Variants in DCUN1D5 observed in about 807,000 individuals in gnomAD.
The protein encoded by DCUN1D5 is defective in cullin neddylation 1 domain containing 5.
A neutral mutation model predicts 38.3 loss-of-function variants in DCUN1D5; 10 were observed. The observed-to-expected ratio is 0.26, with a 90% CI of 0.16 to 0.44. The LOEUF (loss-of-function observed/expected upper bound fraction) is 0.44. Among genes scored for constraint, DCUN1D5 ranks in the 20% least tolerant of loss-of-function variants. The probability of loss-of-function intolerance (pLI) is 1.00; values close to 1 mark genes in which losing one functional copy is unlikely to be tolerated. For missense variants in DCUN1D5, 148 were observed against 275.3 expected (o/e 0.54, Z 3.27); for synonymous variants, 93 against 90.9 (o/e 1.02, Z -0.13).
rs1341592955 is a variant in DCUN1D5 at position 103,055,679 on chromosome 11, A to G, written c.*6680T>C. ...ATCACAAAAGTTGGCCTTGAATTTC[A>G]TCGATCATATGTCTTCAATTAAGTT... On this transcript the variant is annotated 3_prime_UTR_variant, in exon 8 of 8. Coordinates refer to ENST00000260247, the MANE Select transcript of DCUN1D5 (RefSeq NM_032299.4). The G allele has an allele frequency of 1.3e-5, 2 of 152,164 alleles. No homozygotes were observed. Among genetic ancestry groups the G allele is most frequent in the African/African-American group, 4.8e-5 (2 of 41,434 alleles). The allele number at this position is 152,164 out of a possible 1,614,324, so 9.4% of individuals were successfully genotyped here.
At chr11:103,067,661 G>A (rs900297563) in intron 4 of DCUN1D5, among the ~76,000 whole-genome samples, 1 of 152,132 alleles carries the variant, frequency 6.6e-6, no homozygotes, top group Non-Finnish European at 1.5e-5. Flanking sequence ...CCTATAATGT[G>A]TAGTAACATA....
chr11:103,063,472 G>C lies in DCUN1D5; in HGVS notation c.658+803C>G, dbSNP rs1342862336. 6.6e-6 allele frequency among the ~76,000 whole-genome samples: 1 copy of C among 152,096 alleles called. No homozygotes were observed. Among genetic ancestry groups the C allele is most frequent in the Non-Finnish European group, 1.5e-5 (1 of 67,970 alleles). On this transcript the variant is annotated intron_variant, in intron 7 of 7. Transcript: ENST00000260247. The surrounding 1 kb of genome is among the most constrained non-coding windows in gnomAD (Gnocchi z 4.6). ...TAAATTTTATACCATCTTGTAGAGAGAGGACAAAATATATGTGGGAAGAAA... is the reference window on the plus strand; with the variant it reads ...TAAATTTTATACCATCTTGTAGAGACAGGACAAAATATATGTGGGAAGAAA...
chr11:103,057,068 ACTCT>A lies in DCUN1D5; in HGVS notation c.*5287_*5290del, dbSNP rs747287956. ...GGTTTCTCAGATAATACTTCTATAA[ACTCT>A]CTCTCAATAGGCATAGTTTCAGGGA... On this transcript the variant is annotated 3_prime_UTR_variant, in exon 8 of 8. Coordinates refer to ENST00000260247, the MANE Select transcript of DCUN1D5 (RefSeq NM_032299.4). This position sits in a 1 kb window ranked among gnomAD's most constrained non-coding sequence, Gnocchi z 4.8. 6.6e-6 allele frequency among the ~76,000 whole-genome samples: 1 copy of A among 151,848 alleles called. No homozygotes were observed. Among genetic ancestry groups the A allele is most frequent in the Admixed American group, 6.6e-5 (1 of 15,258 alleles).
chr11:103,090,086 T>C (rs562011930), intron 1 of DCUN1D5, among the ~76,000 whole-genome samples: 5 of 152,126 alleles, frequency 3.3e-5, no homozygotes, highest in African/African-American at 7.2e-5. Context: ...ATAGAAATGA[T>C]AGAACTTCTG....
rs981937757 is a variant in DCUN1D5 at position 103,051,552 on chromosome 11, G to A, written c.*10807C>T. ...TTAACAGGTTTACTGGCAGATGCAG[G>A]AGGTGACATTCCAGTGGCTCCATTA... On this transcript the variant is annotated 3_prime_UTR_variant, in exon 8 of 8. Coordinates refer to ENST00000260247, the MANE Select transcript of DCUN1D5 (RefSeq NM_032299.4). 1.4e-5 allele frequency: 2 copies of A among 147,676 alleles called. No homozygotes were observed. Among genetic ancestry groups the A allele is most frequent in the African/African-American group, 5.1e-5 (2 of 39,374 alleles). 9.1% of individuals were successfully genotyped at this position (147,676 alleles called of 1,614,324 possible). A position where few individuals can be genotyped will look rare whatever the true frequency, so the allele number is the denominator to read the frequency against.
chr11:103,075,939 C>T (rs1862397274), intron 4 of DCUN1D5, among the ~76,000 whole-genome samples: 1 of 152,172 alleles, frequency 6.6e-6, no homozygotes. Flanking sequence ...AAAAATAATG[C>T]TTTAATGAAA....
rs1861964057 is a variant in DCUN1D5 at position 103,059,699 on chromosome 11, C to T, written c.*2660G>A. Among the ~76,000 whole-genome samples the T allele has an allele frequency of 7.6e-6, 1 of 132,330 alleles. No individual in the cohort carries two copies. Among genetic ancestry groups the T allele is most frequent in the African/African-American group, 2.9e-5 (1 of 34,424 alleles). 86.8% of individuals were successfully genotyped at this position (132,330 alleles called of 152,430 possible). On this transcript the variant is annotated 3_prime_UTR_variant, in exon 8 of 8. Coordinates refer to ENST00000260247, the MANE Select transcript of DCUN1D5 (RefSeq NM_032299.4). ...CTGTCACCTGAATCCCTGGCAATTT[C>T]CTAGAGGTATTAACATCATACCTTA...
chr11:103,091,772 G>C lies in DCUN1D5; in HGVS notation c.86+15C>G, dbSNP rs376700944. The C allele has an allele frequency of 1.9e-6, 3 of 1,613,646 alleles. No homozygotes were observed. The highest frequency in any genetic ancestry group is 1.3e-5 in the African/African-American group (1 of 75,054). On this transcript the variant is annotated intron_variant, in intron 1 of 7. Transcript: ENST00000260247. This position sits in a 1 kb window ranked among gnomAD's most constrained non-coding sequence, Gnocchi z 4.3. ...GAGGGAGGAGGGAAGCTTGAAGGGT[G>C]GGGGGAGATGGTACCTGGAGATTTT...
chr11:103,060,167 T>C lies in DCUN1D5; in HGVS notation c.*2192A>G, dbSNP rs1405744503. The stretch of plus-strand genomic sequence containing the variant: ...TCAAAGTAGGCAAATGTTATAACTT[T>C]AAGAAGGTAAGAGAAATAGATGGAG... On this transcript the variant is annotated 3_prime_UTR_variant, in exon 8 of 8. Coordinates refer to ENST00000260247, the MANE Select transcript of DCUN1D5 (RefSeq NM_032299.4). Among the ~76,000 whole-genome samples, 1 of 152,086 alleles carries C rather than the reference T, an allele frequency of 6.6e-6. No homozygotes were observed. The highest frequency in any genetic ancestry group is 1.5e-5 in the Non-Finnish European group (1 of 68,012).
At position 103,057,535 on chromosome 11, in the gene DCUN1D5, T is replaced by C. The variant is rs1861902892; in HGVS notation, c.*4824A>G. On this transcript the variant is annotated 3_prime_UTR_variant, in exon 8 of 8. Coordinates refer to ENST00000260247, the MANE Select transcript of DCUN1D5 (RefSeq NM_032299.4). This position sits in a 1 kb window ranked among gnomAD's most constrained non-coding sequence, Gnocchi z 4.8. The stretch of plus-strand genomic sequence containing the variant: ...GCCTGGCCAACATGGTGAAATCCCA[T>C]CTTTACTAAAACAAACAAAAAAAAA... Among the ~76,000 whole-genome samples, 1 of 151,190 alleles carries C rather than the reference T, an allele frequency of 6.6e-6. No individual in the cohort carries two copies. The highest frequency in any genetic ancestry group is 2.1e-4 in the South Asian group (1 of 4,772).
chr11:103,051,509 C>CCCCCCT lies in DCUN1D5; in HGVS notation c.*10849_*10850insAGGGGG, dbSNP rs1861734724. ...GGCTTCACATATTTACTTCCCCCCC[C>CCCCCCT]CCCCCGCCACCCCTGTGTTAACAGG... On this transcript the variant is annotated 3_prime_UTR_variant, in exon 8 of 8. Coordinates refer to ENST00000260247, the MANE Select transcript of DCUN1D5 (RefSeq NM_032299.4). 7.1e-6 allele frequency: 1 copy of CCCCCCT among 140,260 alleles called. No homozygotes were observed. Among genetic ancestry groups the CCCCCCT allele is most frequent in the Admixed American group, 7.1e-5 (1 of 14,174 alleles). The allele number at this position is 140,260 out of a possible 1,614,324, so 8.7% of individuals were successfully genotyped here.
At position 103,057,989 on chromosome 11, in the gene DCUN1D5, C is replaced by T. The variant is rs1861916546; in HGVS notation, c.*4370G>A. Among the ~76,000 whole-genome samples the T allele has an allele frequency of 6.6e-6, 1 of 152,118 alleles. No homozygotes were observed. Among genetic ancestry groups the T allele is most frequent in the Non-Finnish European group, 1.5e-5 (1 of 68,002 alleles). On this transcript the variant is annotated 3_prime_UTR_variant, in exon 8 of 8. Transcript: ENST00000260247. This position sits in a 1 kb window ranked among gnomAD's most constrained non-coding sequence, Gnocchi z 4.8. ...GATATAATTTGGGGGAAAGCTAAGA[C>T]ATTTTTAATAAAACGTTTGCTATTA...
chr11:103,059,749 TG>T lies in DCUN1D5; in HGVS notation c.*2609del, dbSNP rs1212002200. ...ATTAAGAATTATTGGCCCCGAGGAG[TG>T]GGGGGGTGGGGGGGTTGCAATCTGT... On this transcript the variant is annotated 3_prime_UTR_variant, in exon 8 of 8. Transcript: ENST00000260247. 1.2e-3 allele frequency among the ~76,000 whole-genome samples: 5 copies of T among 4,104 alleles called. No homozygotes were observed. The highest frequency in any genetic ancestry group is 1.9e-3 in the Non-Finnish European group (4 of 2,122). The allele number at this position is 4,104 out of a possible 152,430, so 2.7% of individuals were successfully genotyped here.
chr11:103,054,500 G>A lies in DCUN1D5; in HGVS notation c.*7859C>T, dbSNP rs1200658968. ...TGAGTCAGGATTTCTATTATTGAAGGGAAAAAGACATTTAAATAGATACAG... is the reference window on the plus strand; with the variant it reads ...TGAGTCAGGATTTCTATTATTGAAGAGAAAAAGACATTTAAATAGATACAG... On this transcript the variant is annotated 3_prime_UTR_variant, in exon 8 of 8. Transcript: ENST00000260247. 6.6e-6 allele frequency: 1 copy of A among 151,972 alleles called. No homozygotes were observed. The highest frequency in any genetic ancestry group is 1.5e-5 in the Non-Finnish European group (1 of 67,970). 9.4% of individuals were successfully genotyped at this position (151,972 alleles called of 1,614,324 possible). A position where few individuals can be genotyped will look rare whatever the true frequency, so the allele number is the denominator to read the frequency against.
chr11:103,091,967 C>A lies in DCUN1D5; in HGVS notation c.-95G>T. 8.3e-7 allele frequency: 1 copy of A among 1,209,834 alleles called. No individual in the cohort carries two copies. The highest frequency in any genetic ancestry group is 1.1e-6 in the Non-Finnish European group (1 of 876,100). 74.9% of individuals were successfully genotyped at this position (1,209,834 alleles called of 1,614,324 possible). ...AGCGCTGGCACCCAGTTCCCAGAGA[C>A]AGCAGCAAGCGGAGGAGCAGAGTCG... On this transcript the variant is annotated 5_prime_UTR_variant, in exon 1 of 8. Transcript: ENST00000260247. This position sits in a 1 kb window ranked among gnomAD's most constrained non-coding sequence, Gnocchi z 4.3.
rs1244366665 is a variant in DCUN1D5 at position 103,060,247 on chromosome 11, G to GGGTA, written c.*2108_*2111dup. On this transcript the variant is annotated 3_prime_UTR_variant, in exon 8 of 8. Transcript: ENST00000260247. ...GGTACTGGACTCCAAAGTATGGCTA[G>GGGTA]GGTAGGATAGGACAGTTGACTTTAA... Among the ~76,000 whole-genome samples, 1 of 152,066 alleles carries GGGTA rather than the reference G, an allele frequency of 6.6e-6. No individual in the cohort carries two copies. The highest frequency in any genetic ancestry group is 2.4e-5 in the African/African-American group (1 of 41,408).
Position 103,051,063 on chromosome 11 carries a change from A to G in DCUN1D5, c.*11296T>C, listed in dbSNP as rs1282894579. The G allele has an allele frequency of 6.6e-6, 1 of 152,256 alleles. No homozygotes were observed. 9.4% of individuals were successfully genotyped at this position (152,256 alleles called of 1,614,324 possible). A position where few individuals can be genotyped will look rare whatever the true frequency, so the allele number is the denominator to read the frequency against. ...AACTTCTGGACATAAAGAAGTTCCA[A>G]TAAATCCAATCTTACATCATAAAGA... is the stretch of plus-strand genomic sequence containing the variant. On this transcript the variant is annotated 3_prime_UTR_variant, in exon 8 of 8. Transcript: ENST00000260247.
rs1861810284 is a variant in DCUN1D5, at chr11:103,054,006, A to G, written c.*8353T>C. The G allele has an allele frequency of 6.6e-6, 1 of 152,142 alleles. No individual in the cohort carries two copies. Among genetic ancestry groups the G allele is most frequent in the Non-Finnish European group, 1.5e-5 (1 of 67,984 alleles). 9.4% of individuals were successfully genotyped at this position (152,142 alleles called of 1,614,324 possible). ...CTAGCACACAGAAATAGGTACCCTA[A>G]AAGGACTAGGGGTGCAAGAGGACCA... On this transcript the variant is annotated 3_prime_UTR_variant, in exon 8 of 8. Transcript: ENST00000260247.
rs1297024421 is a variant in DCUN1D5, at chr11:103,083,164, C to A, written c.249+92G>T. 2.9e-6 allele frequency: 2 copies of A among 688,578 alleles called. No individual in the cohort carries two copies. The highest frequency in any genetic ancestry group is 3.6e-5 in the African/African-American group (2 of 55,310). 42.7% of individuals were successfully genotyped at this position (688,578 alleles called of 1,614,324 possible). ...AATATTAAACATGAAGAAATAAAAT[C>A]TTCATACAAGATTAAAGTGTCTCGA... On this transcript the variant is annotated intron_variant, in intron 3 of 7. Transcript: ENST00000260247. The surrounding 1 kb of genome is among the most constrained non-coding windows in gnomAD (Gnocchi z 4.4).
Sources: gnomAD v4.1 joint callset for allele counts (sites outside exome capture counted in the v4.1 genomes callset) on GRCh38, gnomAD v4.1.1 for gene constraint, Gnocchi (gnomAD v3.1) non-coding constraint, MANE v1.5 for transcripts, NCBI Gene and HGNC (gene_info 2026-07-23, HGNC 2026-07-21) for gene names.